The following GPD2 variants were observed in gnomAD, a reference collection of about 807,000 sequenced individuals.
The protein encoded by GPD2 is glycerol-3-phosphate dehydrogenase 2.
In GPD2, 54 loss-of-function variants were observed where a neutral mutation model predicts 82.4. The observed-to-expected ratio is 0.66, with a 90% confidence interval of 0.53 to 0.82. The LOEUF (loss-of-function observed/expected upper bound fraction) is 0.82, where lower values mean the gene tolerates loss of function less well. Among genes scored for constraint, GPD2 ranks in the 40% least tolerant of loss-of-function variants. GPD2 has a pLI of 0.00. For missense variants in GPD2, 748 were observed against 896.2 expected (o/e 0.83, Z 2.11); for synonymous variants, 288 against 306.1 (o/e 0.94, Z 0.62).
At chr2:156,480,774 C>CTCT (rs1553467972) in intron 2 of GPD2, among the ~76,000 whole-genome samples, 3 of 136,574 alleles carry the variant, frequency 2.2e-5, no homozygotes, top group African/African-American at 8.1e-5. Context: ...ATCTCTCTCT[C>CTCT]TTTTTTTTTT....
chr2:156,479,309 T>C (rs938259405), intron 2 of GPD2, among the ~76,000 whole-genome samples: 1 of 152,164 alleles, frequency 6.6e-6, no homozygotes, highest in Admixed American at 6.5e-5. Context: ...TCAGAGCCAT[T>C]GTAGGTGGGA....
upstream of GPD2, among the ~76,000 whole-genome samples, chr2:156,432,286 G>C (rs1688325767): frequency 6.6e-6 from 1 of 152,130 alleles, no homozygotes; most frequent in African/African-American, 2.4e-5. Flanking sequence ...TTTAGATTCA[G>C]GGGCTACATG....
intron 3 of GPD2, among the ~76,000 whole-genome samples, chr2:156,506,146 TAGC>T (rs1247064425): frequency 6.6e-6 from 1 of 152,236 alleles, no homozygotes; most frequent in Non-Finnish European, 1.5e-5. Flanking sequence ...TAGCATATAA[TAGC>T]AGTTGAAAAT....
intron 3 of GPD2, among the ~76,000 whole-genome samples, chr2:156,501,631 T>C (rs1255171664): frequency 6.6e-6 from 1 of 152,166 alleles, no homozygotes; most frequent in Non-Finnish European, 1.5e-5. Flanking sequence ...ACCATGAAGG[T>C]AGGAGAAAAT....
At position 156,512,586 on chromosome 2, in the gene GPD2, T is replaced by C. The variant is rs139360046; in HGVS notation, c.497+269T>C. 1.8e-4 allele frequency among the ~76,000 whole-genome samples: 28 copies of C among 152,252 alleles called. No individual in the cohort carries two copies. In the East Asian group the frequency reaches 4.8e-3, roughly 26 times the overall value. On this transcript the variant is annotated intron_variant, in intron 5 of 16. Transcript: ENST00000438166. ...AGTTTCTTACTCCAGTTTCTGAGAG[T>C]ATATAGATGAGCAACTGCATTTGCA...
Position 156,451,252 on chromosome 2 carries a change from G to A in GPD2, c.-9+14739G>A, listed in dbSNP as rs1208115612. ...CCAGTAGGGGTGGCCGGGCAGAGGC[G>A]CCCCTCACCTCCCGGACGGGGCAGC... On this transcript the variant is annotated intron_variant, in intron 1 of 16. Coordinates refer to ENST00000438166, the MANE Select transcript of GPD2 (RefSeq NM_000408.5). Among the ~76,000 whole-genome samples, 6 of 151,444 alleles carry A rather than the reference G, an allele frequency of 4.0e-5. No individual in the cohort carries two copies. The South Asian group carries it at 6.3e-4, about 16-fold the overall frequency.
chr2:156,401,206 A>G, the GPD2 span, among the ~76,000 whole-genome samples: 3 of 152,176 alleles, frequency 2.0e-5, no homozygotes, highest in African/African-American at 7.2e-5. Context: ...TCTACCACTG[A>G]ACCACCAATG....
At chr2:156,441,685 C>T (rs1164085572) in intron 1 of GPD2, among the ~76,000 whole-genome samples, 1 of 152,116 alleles carries the variant, frequency 6.6e-6, no homozygotes. Context: ...GTGGATATCC[C>T]GGGGCCCACT....
chr2:156,579,065 T>C, intron 14 of GPD2, 21 bp from the exon 15 acceptor site: 1 of 1,577,504 alleles, frequency 6.3e-7, no homozygotes, highest in Non-Finnish European at 8.7e-7. Flanking sequence ...TATTTTTCCA[T>C]TATTTAATCT....
chr2:156,538,401 C>T (rs1686161534), intron 6 of GPD2, among the ~76,000 whole-genome samples: 1 of 151,866 alleles, frequency 6.6e-6, no homozygotes, highest in Non-Finnish European at 1.5e-5. Context: ...GGGATAGAAC[C>T]AAGTTCCTGC....
intron 2 of GPD2, among the ~76,000 whole-genome samples, chr2:156,481,729 C>G (rs1447360821): frequency 6.6e-6 from 1 of 151,934 alleles, no homozygotes; most frequent in African/African-American, 2.4e-5. Context: ...AGTTCACCCA[C>G]CTCGGCCCCA....
chr2:156,415,945 C>T, the GPD2 span, among the ~76,000 whole-genome samples: 7 of 97,612 alleles, frequency 7.2e-5, 2 homozygotes, highest in South Asian at 2.2e-3. Flanking sequence ...GGCGTGAACC[C>T]GGGAGGCGGA....
At chr2:156,466,901 T>TA (rs1324875222) in intron 1 of GPD2, among the ~76,000 whole-genome samples, 2 of 152,220 alleles carry the variant, frequency 1.3e-5, no homozygotes, top group Non-Finnish European at 2.9e-5. Context: ...GCTTCTCCTG[T>TA]CAAGCTTCCA....
chr2:156,482,486 CAG>C (rs1184469835), intron 2 of GPD2, among the ~76,000 whole-genome samples: 1 of 151,970 alleles, frequency 6.6e-6, no homozygotes, highest in Non-Finnish European at 1.5e-5. Flanking sequence ...AAATTAATAT[CAG>C]TGCCATTTAT....
At chr2:156,577,630 TCAGAC>T (rs1687872515) in intron 13 of GPD2, among the ~76,000 whole-genome samples, 1 of 152,240 alleles carries the variant, frequency 6.6e-6, no homozygotes, top group Non-Finnish European at 1.5e-5. Flanking sequence ...GCACTGTTCT[TCAGAC>T]CAGAATTTGG....
chr2:156,458,058 C>T (rs1419773477), intron 1 of GPD2, among the ~76,000 whole-genome samples: 1 of 152,148 alleles, frequency 6.6e-6, no homozygotes, highest in East Asian at 1.9e-4. Context: ...TCCTGGGTGT[C>T]ATTGGTGTCA....
intron 1 of GPD2, among the ~76,000 whole-genome samples, chr2:156,472,473 A>G (rs1182816018): frequency 2.6e-5 from 4 of 152,066 alleles, no homozygotes; most frequent in Non-Finnish European, 5.9e-5. Flanking sequence ...GGCGCATGCC[A>G]CTACTGCCTG....
At chr2:156,516,571 C>T (rs1685203952) in intron 6 of GPD2, among the ~76,000 whole-genome samples, 1 of 152,152 alleles carries the variant, frequency 6.6e-6, no homozygotes, top group South Asian at 2.1e-4. Context: ...TCCCAAGTAG[C>T]TGGGATTACA....
In GPD2 at chr2:156,442,934, G is replaced by A. The variant is rs147603576; in HGVS notation, c.-9+6421G>A. On this transcript the variant is annotated intron_variant, in intron 1 of 16. Transcript: ENST00000438166. Reference sequence around the variant, plus strand: ...GGATTACTCTGCCCTATTTGATCACGTTCTAAATATTTGTCTTGGAATTAA... The same window carrying A: ...GGATTACTCTGCCCTATTTGATCACATTCTAAATATTTGTCTTGGAATTAA... 1.8e-3 allele frequency among the ~76,000 whole-genome samples: 278 copies of A among 152,182 alleles called. 1 individual carries two copies. Among genetic ancestry groups the A allele is most frequent in the African/African-American group, 6.1e-3 (254 of 41,514 alleles).
Sources: allele counts gnomAD v4.1 joint callset (sites outside exome capture counted in the v4.1 genomes callset), GRCh38; gene constraint gnomAD v4.1.1; transcripts MANE v1.5; gene names NCBI Gene and HGNC (gene_info 2026-07-23, HGNC 2026-07-21).